Variants in TRMT11 observed in about 807,000 individuals in gnomAD.
The protein encoded by TRMT11 is tRNA methyltransferase 11, also known as tRNA (guanine(10)-N(2))-methyltransferase TRMT11.
In TRMT11, 53 loss-of-function variants were observed where a neutral mutation model predicts 62.8. The ratio of observed to expected loss-of-function variants is 0.84; its 90% CI spans 0.68 to 1.06. The LOEUF is 1.06. TRMT11 is among the 50% of genes least tolerant of loss of function. TRMT11 has a pLI of 0.00. For synonymous variants in TRMT11, 188 were observed against 190.3 expected, an observed-to-expected ratio of 0.99 and a Z score of 0.10; for missense variants, 556 against 553.4, an observed-to-expected ratio of 1.00 and a Z score of -0.05.
At chr6:126,001,339 G>A (rs558756787) in intron 7 of TRMT11, among the ~76,000 whole-genome samples, 2 of 151,872 alleles carry the variant, frequency 1.3e-5, no homozygotes, top group African/African-American at 4.8e-5. Flanking sequence ...TATGAAATTT[G>A]CACTTTTCAA....
chr6:126,145,814 T>C (rs1777968251), intron 21 of TRMT11, among the ~76,000 whole-genome samples: 1 of 152,218 alleles, frequency 6.6e-6, no homozygotes, highest in Non-Finnish European at 1.5e-5. Flanking sequence ...AATTAAATTT[T>C]AAATTTTTGT....
chr6:125,986,765 T>A, intron 1 of TRMT11, 143 bp downstream of exon 1: 1 of 740,224 alleles, frequency 1.4e-6, no homozygotes, highest in Non-Finnish European at 2.2e-6. Context: ...TCCCCAGTCC[T>A]CGGGCGGGGT....
At chr6:126,235,771 A>G in the TRMT11 span, among the ~76,000 whole-genome samples, 1 of 152,156 alleles carries the variant, frequency 6.6e-6, no homozygotes, top group African/African-American at 2.4e-5. Flanking sequence ...TACCTAGGAG[A>G]TGGGATGATC....
intron 16 of TRMT11, among the ~76,000 whole-genome samples, chr6:126,044,908 A>C (rs1776003475): frequency 6.6e-6 from 1 of 151,604 alleles, no homozygotes; most frequent in Non-Finnish European, 1.5e-5. Context: ...TTATCAGGCC[A>C]GGCACAGTGG....
intron 8 of TRMT11, 128 bp from the exon 9 acceptor site, chr6:126,011,125 G>T: frequency 1.4e-6 from 1 of 720,492 alleles, no homozygotes; most frequent in Non-Finnish European, 2.2e-6. Context: ...ATAAAATTAA[G>T]ATTTTAAATG....
chr6:126,108,284 G>C (rs1157605220), intron 17 of TRMT11, among the ~76,000 whole-genome samples: 1 of 152,116 alleles, frequency 6.6e-6, no homozygotes, highest in Non-Finnish European at 1.5e-5. Context: ...TTCAGTCATG[G>C]CTATATAGTT....
At position 126,039,209 on chromosome 6, in the gene TRMT11, G is replaced by A. The variant is rs1344315914; in HGVS notation, c.*373G>A. The A allele has an allele frequency of 6.5e-6, 1 of 153,890 alleles. No individual in the cohort carries two copies. The highest frequency in any genetic ancestry group is 1.4e-5 in the Non-Finnish European group (1 of 69,406). 9.5% of individuals were successfully genotyped at this position (153,890 alleles called of 1,614,324 possible). On this transcript the variant is annotated 3_prime_UTR_variant, in exon 13 of 13. Coordinates refer to ENST00000334379, the MANE Select transcript of TRMT11 (RefSeq NM_001031712.3). ...AAGAATTTATTCATTTGGTAGATAT[G>A]TTTATTTGGTTTTTGGTTGTCATCG...
downstream of TRMT11, among the ~76,000 whole-genome samples, chr6:126,204,781 A>G (rs1432473001): frequency 6.6e-6 from 1 of 152,232 alleles, no homozygotes; most frequent in Non-Finnish European, 1.5e-5. Context: ...ACTAATGCAC[A>G]AAATCATATA....
At chr6:126,004,263 A>G (rs1377986095) in intron 7 of TRMT11, among the ~76,000 whole-genome samples, 1 of 151,960 alleles carries the variant, frequency 6.6e-6, no homozygotes. Context: ...TGGACCATTT[A>G]TAGTGTGTTG....
rs115831906 is a variant in TRMT11, at chr6:126,126,394, T to A, written c.*1823+10539T>A. ...TACTTGATAATGACTGGGTTGCAGATTCTCAACTAGCTTTGACCTTCTTAG... is the reference window on the plus strand; with the variant it reads ...TACTTGATAATGACTGGGTTGCAGAATCTCAACTAGCTTTGACCTTCTTAG... On this transcript the variant is annotated intron_variant and NMD_transcript_variant, in intron 21 of 22. Transcript: ENST00000648977. Among the ~76,000 whole-genome samples, 51 of 152,284 alleles carry A rather than the reference T, an allele frequency of 3.3e-4. 1 individual carries two copies. The highest frequency in any genetic ancestry group is 1.2e-3 in the African/African-American group (49 of 41,578).
In TRMT11 at chr6:126,021,285, A is replaced by G. The variant is rs1423970054; in HGVS notation, c.1260+5A>G. 1.9e-6 allele frequency: 3 copies of G among 1,613,220 alleles called. No homozygotes were observed. Among genetic ancestry groups the G allele is most frequent in the Non-Finnish European group, 2.5e-6 (3 of 1,179,306 alleles). ...GAAAAGGTGAAGAAATTTGAGGTAA[A>G]TTGCTTCAGTATTTTTGGGATAAAT... On this transcript the variant is annotated splice_donor_5th_base_variant and intron_variant, in intron 12 of 12. Coordinates refer to ENST00000334379, the MANE Select transcript of TRMT11 (RefSeq NM_001031712.3).
At position 125,993,123 on chromosome 6, in the gene TRMT11, T is replaced by G. The variant is rs77992461; in HGVS notation, c.73-634T>G. Among the ~76,000 whole-genome samples, 998 of 152,294 alleles carry G rather than the reference T, an allele frequency of 6.6e-3. 12 individuals carry two copies. Among genetic ancestry groups the G allele is most frequent in the African/African-American group, 0.023 (943 of 41,566 alleles). ...TGAGACCTATATGGAAGAGTGTGAT[T>G]CTACCTGTTTTATGTGATTTAAGGA... is the stretch of plus-strand genomic sequence containing the variant. On this transcript the variant is annotated intron_variant, in intron 1 of 12. Coordinates refer to ENST00000334379, the MANE Select transcript of TRMT11 (RefSeq NM_001031712.3).
chr6:126,143,263 A>G (rs185160783), intron 21 of TRMT11, among the ~76,000 whole-genome samples: 65 of 152,232 alleles, frequency 4.3e-4, no homozygotes, highest in African/African-American at 1.5e-3. Flanking sequence ...TTAGCTTCCT[A>G]TGAAACAACT....
At chr6:126,237,245 T>C in the TRMT11 span, among the ~76,000 whole-genome samples, 2 of 152,182 alleles carry the variant, frequency 1.3e-5, no homozygotes, top group Non-Finnish European at 2.9e-5. Flanking sequence ...TAAGCTCTCC[T>C]CTGGGAAACA....
At chr6:126,010,797 C>T (rs1794059597) in intron 8 of TRMT11, among the ~76,000 whole-genome samples, 1 of 152,112 alleles carries the variant, frequency 6.6e-6, no homozygotes. Flanking sequence ...TCCTTCCACT[C>T]CCACTTTAAC....
At chr6:126,141,857 G>C (rs1294430793) in intron 21 of TRMT11, among the ~76,000 whole-genome samples, 1 of 151,992 alleles carries the variant, frequency 6.6e-6, no homozygotes, top group Non-Finnish European at 1.5e-5. Flanking sequence ...TTTGCATTAA[G>C]ACTTCACTAT....
At chr6:126,056,920 A>G (rs997627661) in intron 17 of TRMT11, among the ~76,000 whole-genome samples, 6 of 152,140 alleles carry the variant, frequency 3.9e-5, no homozygotes, top group Non-Finnish European at 5.9e-5. Flanking sequence ...AGCTGTGTCT[A>G]TTGAGATAGG....
chr6:126,085,410 C>CT (rs1296938578), intron 17 of TRMT11, among the ~76,000 whole-genome samples: 1 of 152,106 alleles, frequency 6.6e-6, no homozygotes, highest in Non-Finnish European at 1.5e-5. Flanking sequence ...CATAGGAGGC[C>CT]TTTTTCCCAT....
chr6:126,011,409 T>C lies in TRMT11; in HGVS notation c.917T>C (p.Ile306Thr), dbSNP rs557899170. ...WRKGTYFDAI[I>T]TDPPYGIRES... ...AAGGGCACATATTTTGATGCAATCA[T>C]TACTGATCGTAAGTTTATTTTTATA... The change falls in exon 9 of 13, where the codon ATT (isoleucine) becomes ACT (threonine). Residue 306 changes from isoleucine to threonine, a missense_variant. Transcript: ENST00000334379. 3.5e-5 allele frequency: 57 copies of C among 1,610,264 alleles called. 2 individuals are homozygous for C. The South Asian group carries it at 6.1e-4, about 17-fold the overall frequency.
Sources: gnomAD v4.1 joint callset for allele counts (sites outside exome capture counted in the v4.1 genomes callset) on GRCh38, gnomAD v4.1.1 for gene constraint, MANE v1.5 for transcripts, NCBI Gene and HGNC (gene_info 2026-07-23, HGNC 2026-07-21) for gene names.